The following PLCB4 variants were observed in gnomAD, a reference collection of about 807,000 sequenced individuals.
The protein encoded by PLCB4 is 1-phosphatidylinositol 4,5-bisphosphate phosphodiesterase beta-4.
A neutral mutation model predicts 178.8 loss-of-function variants in PLCB4; 77 were observed. That is an observed-to-expected ratio of 0.43 (90% CI 0.36 to 0.52). PLCB4 has a LOEUF of 0.52. Among genes scored for constraint, PLCB4 ranks in the 20% least tolerant of loss-of-function variants. The pLI is 0.00. For synonymous variants in PLCB4, 496 were observed against 490.8 expected (o/e 1.01, Z -0.14); for missense variants, 1,024 against 1,453.4 (o/e 0.70, Z 4.80).
intron 2 of PLCB4, among the ~76,000 whole-genome samples, chr20:9,097,146 G>T (rs1197231349): frequency 6.6e-6 from 1 of 151,280 alleles, no homozygotes; most frequent in Non-Finnish European, 1.5e-5. Context: ...TGTTGGCCAG[G>T]CTGATCTCGA....
chr20:9,185,787 G>A (rs2093321064), intron 2 of PLCB4, among the ~76,000 whole-genome samples: 1 of 152,044 alleles, frequency 6.6e-6, no homozygotes, highest in South Asian at 2.1e-4. Flanking sequence ...GTCATCCTGG[G>A]GTCTTTGCTG....
At chr20:9,306,756 C>T (rs150539806) in intron 3 of PLCB4, among the ~76,000 whole-genome samples, 55 of 152,290 alleles carry the variant, frequency 3.6e-4, no homozygotes, top group African/African-American at 1.3e-3. Flanking sequence ...TTATTGCATA[C>T]ATACCATGGT....
rs189681230 is a variant in PLCB4, at chr20:9,479,204, A to G, written c.*195A>G. ...TTTCCTTGGCCAAACAAAAATAGCT[A>G]CAAATCCACAAAAATTTACTATTCC... On this transcript the variant is annotated 3_prime_UTR_variant, in exon 40 of 40. Coordinates refer to ENST00000378473, the MANE Select transcript of PLCB4 (RefSeq NM_001377142.1). The G allele has an allele frequency of 2.5e-5, 14 of 570,746 alleles. No individual in the cohort carries two copies. The Admixed American group carries it at 3.4e-4, about 14-fold the overall frequency. The allele number at this position is 570,746 out of a possible 1,614,324, so 35.4% of individuals were successfully genotyped here.
intron 3 of PLCB4, among the ~76,000 whole-genome samples, chr20:9,304,698 C>A (rs73609451): frequency 0.055 from 8,382 of 152,088 alleles, 328 homozygotes; most frequent in African/African-American, 0.11. Flanking sequence ...ATGCTGCGTG[C>A]TCACATGCTT....
chr20:9,231,906 C>T lies in PLCB4; in HGVS notation c.-16+14454C>T, dbSNP rs116868466. ...CAAAAACTGGAAACAACCAATTATCCGCCAACAGGTGATGGATAAAAAAGT... is the reference window on the plus strand; with the variant it reads ...CAAAAACTGGAAACAACCAATTATCTGCCAACAGGTGATGGATAAAAAAGT... On this transcript the variant is annotated intron_variant, in intron 3 of 39. Transcript: ENST00000378473. Among the ~76,000 whole-genome samples the T allele has an allele frequency of 3.7e-4, 56 of 152,116 alleles. No individual in the cohort carries two copies. The East Asian group carries it at 8.3e-3, about 23-fold the overall frequency.
At chr20:9,266,043 A>G (rs939630960) in intron 3 of PLCB4, among the ~76,000 whole-genome samples, 1 of 152,232 alleles carries the variant, frequency 6.6e-6, no homozygotes, top group African/African-American at 2.4e-5. Context: ...GGTGAAGAGA[A>G]ATCATTTGCT....
intron 3 of PLCB4, among the ~76,000 whole-genome samples, chr20:9,236,737 A>T (rs903758143): frequency 6.6e-6 from 1 of 152,172 alleles, no homozygotes; most frequent in East Asian, 1.9e-4. Context: ...ATTCTACGTG[A>T]GTTTCTATGG....
intron 1 of PLCB4, among the ~76,000 whole-genome samples, chr20:9,092,960 C>T (rs114026416): frequency 0.026 from 4,028 of 152,164 alleles, 174 homozygotes; most frequent in African/African-American, 0.09. Context: ...TGGCTCGTAA[C>T]GCTATAAATG....
intron 2 of PLCB4, among the ~76,000 whole-genome samples, chr20:9,110,722 A>G (rs1481285332): frequency 6.6e-6 from 1 of 152,128 alleles, no homozygotes; most frequent in African/African-American, 2.4e-5. Flanking sequence ...TCTCCAACTT[A>G]GTGTGTTGGC....
chr20:9,410,975 C>T (rs926633660), intron 24 of PLCB4, 62 bp from the exon 25 acceptor site: 5 of 1,182,798 alleles, frequency 4.2e-6, no homozygotes, highest in African/African-American at 1.5e-5. Context: ...TTTCAAATCA[C>T]CCCGTCAGGG....
At chr20:9,204,674 T>C (rs953488674) in intron 2 of PLCB4, among the ~76,000 whole-genome samples, 1 of 152,072 alleles carries the variant, frequency 6.6e-6, no homozygotes, top group African/African-American at 2.4e-5. Context: ...CTCTAAGACT[T>C]TCATTATGAA....
chr20:9,213,556 GT>G (rs2093696674), intron 2 of PLCB4, among the ~76,000 whole-genome samples: 1 of 152,158 alleles, frequency 6.6e-6, no homozygotes, highest in Admixed American at 6.5e-5. Context: ...TTGTTAATAT[GT>G]TTATCAGTTG....
At chr20:9,436,487 G>T (rs1255618477) in intron 29 of PLCB4, among the ~76,000 whole-genome samples, 1 of 152,110 alleles carries the variant, frequency 6.6e-6, no homozygotes, top group East Asian at 1.9e-4. Flanking sequence ...CAGCAGTTGG[G>T]ACTACAGATG....
intron 32 of PLCB4, among the ~76,000 whole-genome samples, chr20:9,444,486 C>T (rs531168418): frequency 4.6e-5 from 7 of 152,260 alleles, no homozygotes; most frequent in South Asian, 2.1e-4. Flanking sequence ...TTCACTAGGC[C>T]GGGCACAGTG....
intron 3 of PLCB4, among the ~76,000 whole-genome samples, chr20:9,299,486 A>G (rs1365013196): frequency 2.0e-5 from 3 of 152,030 alleles, no homozygotes; most frequent in Admixed American, 1.3e-4. Context: ...TGTATAATAT[A>G]TAACATAAAA....
At chr20:9,390,691 T>A in intron 17 of PLCB4, 76 bp downstream of exon 17, 1 of 708,158 alleles carries the variant, frequency 1.4e-6, no homozygotes. Context: ...CAAGTAGTAC[T>A]AGAGGACTAA....
chr20:9,431,810 T>A (rs1026923725), intron 28 of PLCB4, among the ~76,000 whole-genome samples: 1 of 152,096 alleles, frequency 6.6e-6, no homozygotes, highest in Non-Finnish European at 1.5e-5. Context: ...GTGACCGGCC[T>A]CCGCTTTATT....
Position 9,380,714 on chromosome 20 carries a change from G to A in PLCB4, c.853+552G>A, listed in dbSNP as rs565329315. Among the ~76,000 whole-genome samples the A allele has an allele frequency of 2.4e-4, 37 of 152,100 alleles. 1 individual carries two copies. The highest frequency in any genetic ancestry group is 4.7e-4 in the Non-Finnish European group (32 of 68,004). ...AAGCTTTGGAAACAAAGGGTTGTTCGCACAAATATTTGTCAAAGGAAAGGC... is the reference window on the plus strand; with the variant it reads ...AAGCTTTGGAAACAAAGGGTTGTTCACACAAATATTTGTCAAAGGAAAGGC... On this transcript the variant is annotated intron_variant, in intron 13 of 39. Transcript: ENST00000378473.
At chr20:9,325,329 A>G (rs2030305933) in intron 4 of PLCB4, among the ~76,000 whole-genome samples, 2 of 152,202 alleles carry the variant, frequency 1.3e-5, no homozygotes, top group Non-Finnish European at 1.5e-5. Context: ...TTTAGTTGCT[A>G]AGGCAACTGT....
Sources: allele counts gnomAD v4.1 joint callset (sites outside exome capture counted in the v4.1 genomes callset), GRCh38; gene constraint gnomAD v4.1.1; transcripts MANE v1.5; gene names NCBI Gene and HGNC (gene_info 2026-07-23, HGNC 2026-07-21).